Variants in PRCD observed in about 807,000 individuals in gnomAD.
PRCD encodes photoreceptor disc component, also known as photoreceptor disk component PRCD.
Under a neutral mutation model 10.1 loss-of-function variants are expected in PRCD, and 12 were observed. The ratio of observed to expected loss-of-function variants is 1.18; its 90% CI spans 0.76 to 1.92. The LOEUF is 1.92. PRCD is among the 40% of genes most tolerant of loss of function. PRCD has a pLI of 0.00. For synonymous variants in PRCD, 31 were observed against 26.2 expected (o/e 1.18, Z -0.56); for missense variants, 61 against 72.2 (o/e 0.84, Z 0.56).
chr17:76,553,283 CA>C (rs2075128612), exon 2 of PRCD: 1 of 152,188 alleles, frequency 6.6e-6, no homozygotes, highest in African/African-American at 2.4e-5. Context: ...AAACAATTTC[CA>C]GCAAAGGGAA....
intron 1 of PRCD, chr17:76,529,647 G>T: frequency 1.0e-6 from 1 of 985,394 alleles, no homozygotes; most frequent in Non-Finnish European, 1.2e-6. Flanking sequence ...GGGGAGAGGG[G>T]TGGGAGGGCA....
intron 1 of PRCD, among the ~76,000 whole-genome samples, chr17:76,552,543 CT>C (rs2075117622): frequency 6.6e-6 from 1 of 151,948 alleles, no homozygotes; most frequent in Non-Finnish European, 1.5e-5. Flanking sequence ...GATGCCATTG[CT>C]TGTAAGACAC....
At position 76,540,506 on chromosome 17, in the gene PRCD, G is replaced by T; in HGVS notation, c.76G>T (p.Glu26Ter). 2 of 1,613,646 alleles carry T rather than the reference G, an allele frequency of 1.2e-6. No homozygotes were observed. Among genetic ancestry groups the T allele is most frequent in the Non-Finnish European group, 1.7e-6 (2 of 1,179,898 alleles). ...RRRFANRVQP[E>*]PSDVDGAARG... ...CCTCCCTACTCTTGCCTCCCACAGAGAGCCCAGCGACGTGGATGGGGCAGC... is the reference window on the plus strand; with the variant it reads ...CCTCCCTACTCTTGCCTCCCACAGATAGCCCAGCGACGTGGATGGGGCAGC... The change falls in exon 2 of 5, where the codon GAG (glutamate) becomes TAG (stop). Residue 26 changes from glutamate to a stop codon, truncating the protein, a stop_gained and splice_region_variant. Transcript: ENST00000592014. LOFTEE classifies it high-confidence loss of function. This position sits in a 1 kb window ranked among gnomAD's most constrained non-coding sequence, Gnocchi z 5.0.
At chr17:76,537,267 C>G (rs2074927297), upstream of PRCD, 2 of 1,092,160 alleles carry the variant, frequency 1.8e-6, no homozygotes, top group Non-Finnish European at 2.4e-6. Flanking sequence ...CCGCCTGCTC[C>G]GCCGACCTCG....
chr17:76,544,152 G>A lies in PRCD; in HGVS notation c.*502G>A. The A allele has an allele frequency of 2.2e-6, 1 of 454,548 alleles. No individual in the cohort carries two copies. Among genetic ancestry groups the A allele is most frequent in the South Asian group, 1.6e-5 (1 of 64,482 alleles). The allele number at this position is 454,548 out of a possible 1,614,324, so 28.2% of individuals were successfully genotyped here. On this transcript the variant is annotated 3_prime_UTR_variant, in exon 5 of 5. Coordinates refer to ENST00000592014, the MANE Select transcript of PRCD (RefSeq NM_001077620.3). ...CCAGATCCAGGAGCAGACCCTGCAG[G>A]CAGCTGCTCCTGATGTCTCACAGCT...
downstream of PRCD, among the ~76,000 whole-genome samples, chr17:76,547,860 CACATAT>C (rs2075068931): frequency 1.3e-5 from 2 of 151,034 alleles, no homozygotes; most frequent in African/African-American, 2.4e-5. Flanking sequence ...CACAGACATA[CACATAT>C]ACATATTCAC....
intron 2 of PRCD, among the ~76,000 whole-genome samples, chr17:76,542,039 C>T (rs545011887): frequency 6.6e-6 from 1 of 152,236 alleles, no homozygotes; most frequent in East Asian, 1.9e-4. Context: ...AGAGGATTGG[C>T]AGGACATGTG....
chr17:76,527,822 C>T (rs1227477493), exon 1 of PRCD: 4 of 453,646 alleles, frequency 8.8e-6, no homozygotes, highest in Admixed American at 7.1e-5. Flanking sequence ...CCTGCCCATT[C>T]TAGGACAGCC....
Position 76,542,568 on chromosome 17 carries a change from G to C in PRCD, c.159G>C (p.Leu53=). 2 of 1,614,220 alleles carry C rather than the reference G, an allele frequency of 1.2e-6. No homozygotes were observed. The highest frequency in any genetic ancestry group is 8.5e-7 in the Non-Finnish European group (1 of 1,180,028). The part of the protein sequence containing the change: ...PQSSGREKEP[L]K ...CTCTGTTTAGGGAGAAAGAACCTCT[G>C]AAGTAAGCCCTCACCTCTGCAGGTG... The change falls in exon 3 of 5, where the codon CTG becomes CTC. Residue 53 remains leucine, a synonymous_variant. Transcript: ENST00000592014.
At position 76,543,954 on chromosome 17, in the gene PRCD, T is replaced by C. The variant is rs1195128935; in HGVS notation, c.*304T>C. ...TTCTGTATGTGTGCAAGCGCGTGTG[T>C]TCCAAACGGGCAGTAGCGTGTGGGA... On this transcript the variant is annotated 3_prime_UTR_variant, in exon 5 of 5. Coordinates refer to ENST00000592014, the MANE Select transcript of PRCD (RefSeq NM_001077620.3). 1.1e-5 allele frequency: 5 copies of C among 468,120 alleles called. No homozygotes were observed. The highest frequency in any genetic ancestry group is 2.2e-5 in the Non-Finnish European group (5 of 227,056). The allele number at this position is 468,120 out of a possible 1,614,324, so 29.0% of individuals were successfully genotyped here.
chr17:76,533,326 C>T lies in PRCD; in HGVS notation n.45+5493C>T, dbSNP rs2074870771. On this transcript the variant is annotated intron_variant and non_coding_transcript_variant, in intron 1 of 4. Transcript: ENST00000397633. The surrounding 1 kb of genome is among the most constrained non-coding windows in gnomAD (Gnocchi z 4.5). ...ACGTGAGGCGACGGGTCTGAAAATA[C>T]ATTGAATTTTCTGGAGAAGCACTGT... Among the ~76,000 whole-genome samples the T allele has an allele frequency of 1.3e-5, 2 of 152,228 alleles. No homozygotes were observed.
At chr17:76,538,198 C>T (rs1359131728), upstream of PRCD, 1 of 158,482 alleles carries the variant, frequency 6.3e-6, no homozygotes, top group African/African-American at 2.4e-5. Flanking sequence ...CGAACAGGAG[C>T]CCCTCCGGCG....
chr17:76,539,074 C>T (rs935882293), upstream of PRCD, among the ~76,000 whole-genome samples: 1 of 152,186 alleles, frequency 6.6e-6, no homozygotes, highest in East Asian at 1.9e-4. Context: ...GACACTGTCT[C>T]CCCCTTGTTG....
chr17:76,549,768 G>A (rs1450378912), downstream of PRCD, among the ~76,000 whole-genome samples: 6 of 152,112 alleles, frequency 3.9e-5, no homozygotes, highest in African/African-American at 9.7e-5. Flanking sequence ...TGATGCCGAC[G>A]ACATGGGTAA....
At chr17:76,532,235 C>T (rs1455029909) in intron 1 of PRCD, among the ~76,000 whole-genome samples, 1 of 152,222 alleles carries the variant, frequency 6.6e-6, no homozygotes, top group Non-Finnish European at 1.5e-5. Flanking sequence ...AACTCATGTC[C>T]ACATTCCCCA....
chr17:76,543,043 C>T lies in PRCD; in HGVS notation c.*74C>T, dbSNP rs767138490. 8.5e-6 allele frequency: 4 copies of T among 472,932 alleles called. No individual in the cohort carries two copies. The highest frequency in any genetic ancestry group is 1.5e-5 in the South Asian group (1 of 64,580). 29.3% of individuals were successfully genotyped at this position (472,932 alleles called of 1,614,324 possible). A position where few individuals can be genotyped will look rare whatever the true frequency, so the allele number is the denominator to read the frequency against. On this transcript the variant is annotated 3_prime_UTR_variant, in exon 4 of 5. Transcript: ENST00000592014. ...TTCTGTTTCAGCTCAGGTCCTGGTTCGTCCCCTAGCCCAGGAGGATGCTGT... is the reference window on the plus strand; with the variant it reads ...TTCTGTTTCAGCTCAGGTCCTGGTTTGTCCCCTAGCCCAGGAGGATGCTGT...
In PRCD at chr17:76,544,196, C is replaced by T. The variant is rs909803223; in HGVS notation, c.*546C>T. On this transcript the variant is annotated 3_prime_UTR_variant, in exon 5 of 5. Transcript: ENST00000592014. Reference sequence around the variant, plus strand: ...CACAGCTATTAGTCTTCAAAAACCCCCCGTGCCTCTGTGCACACGCGTCTC... The same window carrying T: ...CACAGCTATTAGTCTTCAAAAACCCTCCGTGCCTCTGTGCACACGCGTCTC... 4.4e-6 allele frequency: 2 copies of T among 454,550 alleles called. No individual in the cohort carries two copies. The highest frequency in any genetic ancestry group is 8.8e-6 in the Non-Finnish European group (2 of 226,810). 28.2% of individuals were successfully genotyped at this position (454,550 alleles called of 1,614,324 possible).
Position 76,544,424 on chromosome 17 carries a change from G to T in PRCD, c.*774G>T, listed in dbSNP as rs991250391. On this transcript the variant is annotated 3_prime_UTR_variant, in exon 5 of 5. Transcript: ENST00000592014. ...CGCTGGGGAGGCGCTCAGGGTGGGG[G>T]AGGAGGTGCACCCCGCTGGGGAGGG... is the stretch of plus-strand genomic sequence containing the variant. 4.4e-6 allele frequency: 2 copies of T among 454,790 alleles called. No individual in the cohort carries two copies. Among genetic ancestry groups the T allele is most frequent in the Non-Finnish European group, 8.8e-6 (2 of 226,986 alleles). 28.2% of individuals were successfully genotyped at this position (454,790 alleles called of 1,614,324 possible).
chr17:76,551,512 T>C (rs997242926), intron 1 of PRCD: 1 of 152,228 alleles, frequency 6.6e-6, no homozygotes, highest in African/African-American at 2.4e-5. Context: ...GTCTGTGTTA[T>C]ATTTCTCCTC....
Sources: allele counts gnomAD v4.1 joint callset (sites outside exome capture counted in the v4.1 genomes callset), GRCh38; gene constraint gnomAD v4.1.1; non-coding constraint Gnocchi (gnomAD v3.1); transcripts MANE v1.5; gene names NCBI Gene and HGNC (gene_info 2026-07-23, HGNC 2026-07-21).